The following ZNF385D variants were observed in gnomAD, a reference collection of about 807,000 sequenced individuals.
ZNF385D encodes zinc finger protein 385D.
In ZNF385D, 15 loss-of-function variants were observed where a neutral mutation model predicts 35.8. The ratio of observed to expected loss-of-function variants is 0.42; its 90% CI spans 0.28 to 0.64. The LOEUF (loss-of-function observed/expected upper bound fraction) is 0.64. ZNF385D is among the 30% of genes least tolerant of loss of function. The pLI is 0.23. For missense variants in ZNF385D, 474 were observed against 494.6 expected (o/e 0.96, Z 0.39); for synonymous variants, 212 against 186.8 (o/e 1.13, Z -1.10).
intron 4 of ZNF385D, among the ~76,000 whole-genome samples, chr3:21,482,822 T>A (rs969234313): frequency 2.0e-5 from 3 of 152,102 alleles, no homozygotes; most frequent in African/African-American, 7.2e-5. Context: ...GGTGGTGGTT[T>A]CCTTAATTTT....
At chr3:22,165,034 G>A (rs1488354336) in intron 3 of ZNF385D, among the ~76,000 whole-genome samples, 1 of 152,166 alleles carries the variant, frequency 6.6e-6, no homozygotes, top group Non-Finnish European at 1.5e-5. Context: ...AGAGCACAGA[G>A]GACTTTTAGG....
chr3:22,219,196 ATTAT>A (rs1698087941), intron 2 of ZNF385D, among the ~76,000 whole-genome samples: 1 of 151,996 alleles, frequency 6.6e-6, no homozygotes, highest in African/African-American at 2.4e-5. Context: ...TTATTCTTTG[ATTAT>A]TTGTCACAAT....
intron 2 of ZNF385D, among the ~76,000 whole-genome samples, chr3:22,169,621 A>G (rs1042599623): frequency 6.6e-6 from 1 of 152,182 alleles, no homozygotes; most frequent in Non-Finnish European, 1.5e-5. Flanking sequence ...TATACCTGAC[A>G]CACAAGAGAG....
chr3:22,102,495 A>G (rs996386660), intron 3 of ZNF385D, among the ~76,000 whole-genome samples: 1 of 151,992 alleles, frequency 6.6e-6, no homozygotes, highest in African/African-American at 2.4e-5. Context: ...ATTGTACAAT[A>G]TTTTAACTCA....
chr3:22,313,692 A>G (rs1703722386), intron 2 of ZNF385D, among the ~76,000 whole-genome samples: 1 of 152,202 alleles, frequency 6.6e-6, no homozygotes, highest in Non-Finnish European at 1.5e-5. Context: ...AATCATCTAT[A>G]AAGATAGGGC....
At chr3:22,091,596 A>AC (rs960707147) in intron 3 of ZNF385D, among the ~76,000 whole-genome samples, 11 of 151,860 alleles carry the variant, frequency 7.2e-5, no homozygotes, top group African/African-American at 2.7e-4. Flanking sequence ...GTAGGAAAAA[A>AC]AAAGCCCTCT....
intron 3 of ZNF385D, among the ~76,000 whole-genome samples, chr3:22,150,731 G>A (rs1046678235): frequency 6.6e-6 from 1 of 152,062 alleles, no homozygotes; most frequent in African/African-American, 2.4e-5. Flanking sequence ...TATTCTAAGA[G>A]AAGCATCCAG....
chr3:21,976,593 T>C (rs1446965764), intron 3 of ZNF385D, among the ~76,000 whole-genome samples: 1 of 152,318 alleles, frequency 6.6e-6, no homozygotes, highest in African/African-American at 2.4e-5. Context: ...ATGTACTACA[T>C]TGCCTATGGT....
At chr3:21,678,928 T>C (rs903197884) in intron 1 of ZNF385D, among the ~76,000 whole-genome samples, 6 of 152,102 alleles carry the variant, frequency 3.9e-5, no homozygotes, top group African/African-American at 1.2e-4. Flanking sequence ...AAAACTACTT[T>C]TTAAAAATTT....
At chr3:21,989,255 C>A (rs372908860) in intron 3 of ZNF385D, among the ~76,000 whole-genome samples, 1 of 152,168 alleles carries the variant, frequency 6.6e-6, no homozygotes, top group African/African-American at 2.4e-5. Flanking sequence ...AAAGCTCAAC[C>A]AACTTGTTTC....
intron 3 of ZNF385D, among the ~76,000 whole-genome samples, chr3:21,946,488 G>A (rs1701791996): frequency 6.6e-6 from 1 of 152,084 alleles, no homozygotes; most frequent in South Asian, 2.1e-4. Context: ...ATATTTTTAA[G>A]TAGAATGTTC....
At chr3:22,333,058 G>C (rs2125463523) in intron 2 of ZNF385D, among the ~76,000 whole-genome samples, 1 of 152,100 alleles carries the variant, frequency 6.6e-6, no homozygotes, top group South Asian at 2.1e-4. Context: ...CTTAAGTCCT[G>C]AATATTATTT....
rs761992270 is a variant in ZNF385D at position 21,542,151 on chromosome 3, A to G, written c.276+22423T>C. 1.8e-4 allele frequency among the ~76,000 whole-genome samples: 27 copies of G among 152,306 alleles called. 1 individual carries two copies. The South Asian group carries it at 4.8e-3, about 27-fold the overall frequency. ...CTAGGTCATGCTCAAGTCTAATTGCACTTATTTACTTCCCTTTAAAAATAT... is the reference window on the plus strand; with the variant it reads ...CTAGGTCATGCTCAAGTCTAATTGCGCTTATTTACTTCCCTTTAAAAATAT... On this transcript the variant is annotated intron_variant, in intron 3 of 7. Transcript: ENST00000281523.
intron 1 of ZNF385D, among the ~76,000 whole-genome samples, chr3:21,736,207 G>A (rs574493769): frequency 2.9e-4 from 44 of 152,286 alleles, no homozygotes; most frequent in African/African-American, 1.1e-3. Flanking sequence ...ATGAGTGCAT[G>A]TTTGTAAACA....
chr3:21,728,780 C>A (rs1459049917), intron 1 of ZNF385D, among the ~76,000 whole-genome samples: 1 of 152,188 alleles, frequency 6.6e-6, no homozygotes, highest in East Asian at 1.9e-4. Flanking sequence ...GAGGCCCACT[C>A]CTGCAAGCCG....
At chr3:21,577,704 T>C (rs1489239871) in intron 2 of ZNF385D, among the ~76,000 whole-genome samples, 1 of 152,204 alleles carries the variant, frequency 6.6e-6, no homozygotes, top group African/African-American at 2.4e-5. Context: ...ATAGCCATTC[T>C]AACTGGGGTG....
intron 2 of ZNF385D, among the ~76,000 whole-genome samples, chr3:21,586,873 ATAAGT>A (rs1322027265): frequency 2.6e-5 from 4 of 152,226 alleles, no homozygotes; most frequent in African/African-American, 7.2e-5. Flanking sequence ...AAATAAAGAT[ATAAGT>A]TAAGTACTTG....
chr3:21,885,213 AAATT>A (rs1315431645), intron 3 of ZNF385D, among the ~76,000 whole-genome samples: 1 of 152,062 alleles, frequency 6.6e-6, no homozygotes, highest in Non-Finnish European at 1.5e-5. Context: ...CAATATTCTA[AAATT>A]ATTATCCAAT....
chr3:21,835,202 C>T (rs1695254750), intron 3 of ZNF385D, among the ~76,000 whole-genome samples: 1 of 150,476 alleles, frequency 6.6e-6, no homozygotes, highest in East Asian at 2.0e-4. Flanking sequence ...AGATGCTCAA[C>T]AGCTAAGAAG....
Sources: allele counts gnomAD v4.1 joint callset (sites outside exome capture counted in the v4.1 genomes callset), GRCh38; gene constraint gnomAD v4.1.1; transcripts MANE v1.5; gene names NCBI Gene and HGNC (gene_info 2026-07-23, HGNC 2026-07-21).